ZCCHC4: variants seen among roughly 807,000 people sequenced by gnomAD.
The protein encoded by ZCCHC4 is rRNA N(6)-adenosine-methyltransferase ZCCHC4.
In ZCCHC4, 54 loss-of-function variants were observed where a neutral mutation model predicts 67.7. That is an observed-to-expected ratio of 0.80 (90% CI 0.64 to 1.00). The LOEUF (loss-of-function observed/expected upper bound fraction) is 1.00, where lower values mean the gene tolerates loss of function less well. ZCCHC4 is among the 50% of genes least tolerant of loss of function. The pLI is 0.00. For missense variants in ZCCHC4, 609 were observed against 617.0 expected (o/e 0.99, Z 0.14); for synonymous variants, 198 against 213.5 (o/e 0.93, Z 0.63).
chr4:25,358,666 A>C (rs1371735263), intron 8 of ZCCHC4, among the ~76,000 whole-genome samples: 1 of 152,266 alleles, frequency 6.6e-6, no homozygotes, highest in African/African-American at 2.4e-5. Context: ...GGAGTAGGCC[A>C]AGGCAGCTTT....
In ZCCHC4 at chr4:25,333,461, A is replaced by G. The variant is rs1719292155; in HGVS notation, c.605+3A>G. ...GTACTGTGTGTTGGAACACCAAGGT[A>G]TGTCATGTGATTTTTTAAAGAATTA... On this transcript the variant is annotated splice_donor_region_variant and intron_variant, in intron 4 of 12. Transcript: ENST00000302874. 5 of 1,612,530 alleles carry G rather than the reference A, an allele frequency of 3.1e-6. No homozygotes were observed. In the East Asian group the frequency reaches 6.7e-5, roughly 22 times the overall value.
In ZCCHC4 at chr4:25,313,032, C is replaced by T. The variant is rs926123689; in HGVS notation, c.127+96C>T. On this transcript the variant is annotated intron_variant, in intron 1 of 12. Transcript: ENST00000302874. Reference sequence around the variant, plus strand: ...GGGGCTCCTGTATTTTTACCCGCCTCTTTCCCTCACCAGTGTGCTGCCTAG... The same window carrying T: ...GGGGCTCCTGTATTTTTACCCGCCTTTTTCCCTCACCAGTGTGCTGCCTAG... The T allele has an allele frequency of 5.3e-6, 8 of 1,522,446 alleles. No individual in the cohort carries two copies. The African/African-American group carries it at 6.9e-5, about 13-fold the overall frequency. The allele number at this position is 1,522,446 out of a possible 1,614,324, so 94.3% of individuals were successfully genotyped here. A position where few individuals can be genotyped will look rare whatever the true frequency, so the allele number is the denominator to read the frequency against.
intron 9 of ZCCHC4, 121 bp downstream of exon 9, chr4:25,362,101 C>A: frequency 6.9e-7 from 1 of 1,446,030 alleles, no homozygotes; most frequent in Non-Finnish European, 9.3e-7. Flanking sequence ...AAATTAGGTC[C>A]ATAATTTCAT....
Position 25,312,774 on chromosome 4 carries a change from G to C in ZCCHC4, c.-36G>C. On this transcript the variant is annotated 5_prime_UTR_variant, in exon 1 of 13. Coordinates refer to ENST00000302874, the MANE Select transcript of ZCCHC4 (RefSeq NM_024936.3). ...GGGGGCGCTCTTTCTCAGCATTCTT[G>C]TTTCGTACTGAGGCTTTCGGGACGG... The C allele has an allele frequency of 6.2e-7, 1 of 1,611,658 alleles. No individual in the cohort carries two copies. Among genetic ancestry groups the C allele is most frequent in the Non-Finnish European group, 8.5e-7 (1 of 1,179,416 alleles).
intron 2 of ZCCHC4, among the ~76,000 whole-genome samples, chr4:25,314,954 C>T (rs978125056): frequency 6.6e-6 from 1 of 152,238 alleles, no homozygotes; most frequent in African/African-American, 2.4e-5. Flanking sequence ...AACTCGGCTC[C>T]AGTTGAAGTT....
At chr4:25,334,864 G>T (rs1256802268) in intron 5 of ZCCHC4, among the ~76,000 whole-genome samples, 2 of 151,246 alleles carry the variant, frequency 1.3e-5, no homozygotes, top group Non-Finnish European at 2.9e-5. Flanking sequence ...CTTAGACAGG[G>T]TCTCGCTCTG....
chr4:25,328,332 C>T (rs566637222), intron 3 of ZCCHC4, among the ~76,000 whole-genome samples: 169 of 151,990 alleles, frequency 1.1e-3, no homozygotes, highest in Non-Finnish European at 1.9e-3. Context: ...CTCTGTCTCC[C>T]AAGTTCAAGC....
intron 12 of ZCCHC4, chr4:25,366,150 C>T: frequency 9.2e-6 from 9 of 983,350 alleles, no homozygotes; most frequent in Non-Finnish European, 1.1e-5. Flanking sequence ...TATTTGTGGT[C>T]AGTGAAAATT....
chr4:25,330,227 G>A (rs1719108686), intron 3 of ZCCHC4, among the ~76,000 whole-genome samples: 1 of 152,102 alleles, frequency 6.6e-6, no homozygotes, highest in East Asian at 1.9e-4. Context: ...CTGACCTCAG[G>A]TGATCCACTG....
chr4:25,351,944 C>T, intron 8 of ZCCHC4: 1 of 1,121,556 alleles, frequency 8.9e-7, no homozygotes, highest in Non-Finnish European at 1.1e-6. Context: ...AATATCTCAC[C>T]AAGCTCCTTG....
chr4:25,357,603 A>G (rs1409336459), intron 8 of ZCCHC4, among the ~76,000 whole-genome samples: 1 of 152,134 alleles, frequency 6.6e-6, no homozygotes, highest in South Asian at 2.1e-4. Flanking sequence ...ATCTCCCCTT[A>G]AAGGCCTCTC....
intron 7 of ZCCHC4, 93 bp downstream of exon 7, chr4:25,349,735 A>AATATCAC: frequency 7.6e-7 from 1 of 1,312,162 alleles, no homozygotes; most frequent in Non-Finnish European, 1.1e-6. Flanking sequence ...GCAGTGATAG[A>AATATCAC]ATATACATGT....
Position 25,345,588 on chromosome 4 carries a change from A to G in ZCCHC4, c.727A>G (p.Asn243Asp), listed in dbSNP as rs760180845. The change falls in exon 6 of 13, where the codon AAT becomes GAT. Residue 243 changes from asparagine to aspartate, a missense_variant. Physicochemically the swap from Asn to Asp is conservative, Grantham distance 23. Transcript: ENST00000302874. ...TATGGAAGATAGCTTTTGCCATTAT[A>G]ATATGTTTAACCATCATTTCTTTGA... ...FYMEDSFCHY[N>D]MFNHHFFDGK... 3 of 1,568,280 alleles carry G rather than the reference A, an allele frequency of 1.9e-6. No individual in the cohort carries two copies. The highest frequency in any genetic ancestry group is 1.8e-6 in the Non-Finnish European group (2 of 1,142,682).
At chr4:25,337,348 T>C (rs1281587567) in intron 5 of ZCCHC4, among the ~76,000 whole-genome samples, 1 of 152,222 alleles carries the variant, frequency 6.6e-6, no homozygotes. Context: ...ATTCTGTCTT[T>C]CTCTGTGTAT....
intron 8 of ZCCHC4, among the ~76,000 whole-genome samples, chr4:25,354,040 A>C (rs1310402575): frequency 1.3e-5 from 2 of 151,820 alleles, no homozygotes; most frequent in African/African-American, 4.8e-5. Flanking sequence ...AATGGCAAAA[A>C]CCGCAATTAC....
chr4:25,320,050 G>A (rs1718496231), intron 3 of ZCCHC4, among the ~76,000 whole-genome samples: 2 of 152,068 alleles, frequency 1.3e-5, no homozygotes, highest in South Asian at 4.1e-4. Flanking sequence ...TTATAGGATT[G>A]GTAGCGCTGC....
At chr4:25,318,889 C>A (rs909563270) in intron 3 of ZCCHC4, among the ~76,000 whole-genome samples, 1 of 152,190 alleles carries the variant, frequency 6.6e-6, no homozygotes, top group Admixed American at 6.5e-5. Flanking sequence ...ATCTGTGACC[C>A]ATTACCTTGG....
intron 10 of ZCCHC4, among the ~76,000 whole-genome samples, chr4:25,363,977 T>C (rs1720851894): frequency 6.6e-6 from 1 of 152,246 alleles, no homozygotes; most frequent in Non-Finnish European, 1.5e-5. Context: ...ACTCATTAAA[T>C]TGGATATATT....
intron 5 of ZCCHC4, among the ~76,000 whole-genome samples, chr4:25,341,347 C>T (rs974929708): frequency 1.3e-5 from 2 of 151,964 alleles, no homozygotes; most frequent in African/African-American, 4.8e-5. Flanking sequence ...GGTTGATTCC[C>T]CATAAATGGC....
Sources: gnomAD v4.1 joint callset for allele counts (sites outside exome capture counted in the v4.1 genomes callset) on GRCh38, gnomAD v4.1.1 for gene constraint, MANE v1.5 for transcripts, NCBI Gene and HGNC (gene_info 2026-07-23, HGNC 2026-07-21) for gene names.